Variants in NEGR1 observed in about 807,000 individuals in gnomAD.
The protein encoded by NEGR1 is IgLON family member 4.
NEGR1 carries 10 observed loss-of-function variants against 40.9 expected under a neutral mutation model. That is an observed-to-expected ratio of 0.24 (90% CI 0.15 to 0.42). NEGR1 has a LOEUF of 0.42. Ranked by LOEUF, NEGR1 falls within the 10% of genes least tolerant of loss-of-function variation. The pLI is 1.00. For synonymous variants in NEGR1, 185 were observed against 166.8 expected (o/e 1.11, Z -0.84); for missense variants, 352 against 438.9 (o/e 0.80, Z 1.77).
intron 6 of NEGR1, among the ~76,000 whole-genome samples, chr1:71,473,887 C>T (rs1405515204): frequency 2.0e-5 from 3 of 151,802 alleles, no homozygotes; most frequent in East Asian, 3.9e-4. Context: ...AAAACACATC[C>T]GAAAGTAAGA....
At chr1:71,990,688 C>T (rs1350463076) in intron 1 of NEGR1, among the ~76,000 whole-genome samples, 2 of 151,940 alleles carry the variant, frequency 1.3e-5, no homozygotes, top group South Asian at 2.1e-4. Flanking sequence ...TCTACCAAAG[C>T]GACAGATTAC....
intron 3 of NEGR1, among the ~76,000 whole-genome samples, chr1:71,713,706 A>G (rs1286898866): frequency 6.6e-6 from 1 of 152,210 alleles, no homozygotes; most frequent in African/African-American, 2.4e-5. Context: ...TCTAACAGAA[A>G]AGCTGTAATA....
At chr1:71,940,636 G>A (rs1018743901) in intron 1 of NEGR1, among the ~76,000 whole-genome samples, 7 of 152,064 alleles carry the variant, frequency 4.6e-5, no homozygotes, top group Non-Finnish European at 2.9e-5. Flanking sequence ...ATGTTACTAC[G>A]CATTAGGCAG....
intron 4 of NEGR1, among the ~76,000 whole-genome samples, chr1:71,691,524 C>T (rs889269704): frequency 2.6e-5 from 4 of 151,586 alleles, no homozygotes; most frequent in African/African-American, 9.7e-5. Context: ...TCTTCTCTTA[C>T]TCTTGCCATG....
intron 4 of NEGR1, among the ~76,000 whole-genome samples, chr1:71,650,576 G>C (rs78718611): frequency 2.6e-5 from 4 of 152,092 alleles, no homozygotes; most frequent in Non-Finnish European, 5.9e-5. Flanking sequence ...TCAAGAAAAG[G>C]CTGTGCAAGT....
chr1:71,591,099 T>C (rs76841419), intron 6 of NEGR1, among the ~76,000 whole-genome samples: 2,415 of 152,238 alleles, frequency 0.016, 41 homozygotes, highest in Middle Eastern at 0.11. Context: ...GTTCTGAATA[T>C]ATGAACATTT....
At chr1:71,900,288 G>A (rs961617824) in intron 2 of NEGR1, among the ~76,000 whole-genome samples, 2 of 152,054 alleles carry the variant, frequency 1.3e-5, no homozygotes, top group South Asian at 2.1e-4. Flanking sequence ...AATAACCAAT[G>A]CTTTTCCCTA....
At chr1:71,896,171 G>T (rs1376860588) in intron 2 of NEGR1, among the ~76,000 whole-genome samples, 1 of 151,516 alleles carries the variant, frequency 6.6e-6, no homozygotes, top group Admixed American at 6.6e-5. Flanking sequence ...TGGAATAGCT[G>T]GGATTACAGG....
At chr1:71,458,281 C>A (rs559701078) in intron 6 of NEGR1, among the ~76,000 whole-genome samples, 6 of 152,304 alleles carry the variant, frequency 3.9e-5, no homozygotes, top group African/African-American at 1.4e-4. Context: ...TCTAAATGTT[C>A]TAAATTACCA....
intron 1 of NEGR1, among the ~76,000 whole-genome samples, chr1:72,060,873 GT>G (rs142439693): frequency 0.015 from 2,277 of 151,588 alleles, 54 homozygotes; most frequent in African/African-American, 0.052. Flanking sequence ...TGGATAGGTA[GT>G]TTTTTTAGAG....
chr1:72,232,216 G>C (rs966869362), intron 1 of NEGR1, among the ~76,000 whole-genome samples: 3 of 151,864 alleles, frequency 2.0e-5, no homozygotes, highest in Non-Finnish European at 2.9e-5. Flanking sequence ...AATTATCTGG[G>C]CGTGGTGGTG....
chr1:72,282,170 G>C, intron 1 of NEGR1, 149 bp downstream of exon 1: 3 of 968,496 alleles, frequency 3.1e-6, no homozygotes, highest in Non-Finnish European at 4.5e-6. Context: ...GCTCCGGGAA[G>C]AATCTGCACC....
At position 71,607,048 on chromosome 1, in the gene NEGR1, A is replaced by C. The variant is rs577210576; in HGVS notation, c.788+3978T>G. ...TACATAGAAGTAAAGCGATCGTATAAGTTATTTCTGATTATTTATGTGAGC... is the reference window on the plus strand; with the variant it reads ...TACATAGAAGTAAAGCGATCGTATACGTTATTTCTGATTATTTATGTGAGC... On this transcript the variant is annotated intron_variant, in intron 5 of 6. Coordinates refer to ENST00000357731, the MANE Select transcript of NEGR1 (RefSeq NM_173808.3). Among the ~76,000 whole-genome samples, 6 of 152,354 alleles carry C rather than the reference A, an allele frequency of 3.9e-5. No homozygotes were observed. In the East Asian group the frequency reaches 1.2e-3, roughly 29 times the overall value.
chr1:71,661,286 A>C (rs952862901), intron 4 of NEGR1, among the ~76,000 whole-genome samples: 2 of 152,234 alleles, frequency 1.3e-5, no homozygotes, highest in African/African-American at 4.8e-5. Flanking sequence ...GAAACAACAG[A>C]TGCTGGACAG....
intron 6 of NEGR1, among the ~76,000 whole-genome samples, chr1:71,535,037 TTA>T (rs143228397): frequency 6.6e-6 from 1 of 151,776 alleles, no homozygotes; most frequent in Non-Finnish European, 1.5e-5. Context: ...TAATTAAAAT[TTA>T]TGTTAAATTA....
At chr1:71,656,649 C>G (rs1288340177) in intron 4 of NEGR1, among the ~76,000 whole-genome samples, 1 of 152,194 alleles carries the variant, frequency 6.6e-6, no homozygotes, top group Non-Finnish European at 1.5e-5. Flanking sequence ...ATCCGCCCGC[C>G]TCGGCCTCCC....
intron 1 of NEGR1, among the ~76,000 whole-genome samples, chr1:71,978,792 C>T (rs770210085): frequency 2.5e-4 from 38 of 151,904 alleles, no homozygotes; most frequent in Non-Finnish European, 4.9e-4. Context: ...GAATGAAGTT[C>T]GGCGATTCCT....
chr1:71,792,198 C>A (rs557262976), intron 2 of NEGR1, among the ~76,000 whole-genome samples: 15 of 152,194 alleles, frequency 9.9e-5, no homozygotes, highest in Admixed American at 7.9e-4. Flanking sequence ...TGATTAATAT[C>A]TTTGTGGGAG....
chr1:71,424,295 T>G (rs1251911523), intron 6 of NEGR1, among the ~76,000 whole-genome samples: 1 of 152,190 alleles, frequency 6.6e-6, no homozygotes, highest in African/African-American at 2.4e-5. Context: ...TGATAATATA[T>G]CTGACTTACA....
Sources: gnomAD v4.1 joint callset for allele counts (sites outside exome capture counted in the v4.1 genomes callset) on GRCh38, gnomAD v4.1.1 for gene constraint, MANE v1.5 for transcripts, NCBI Gene and HGNC (gene_info 2026-07-23, HGNC 2026-07-21) for gene names.